The following EGFLAM variants were observed in gnomAD, a reference collection of about 807,000 sequenced individuals.
EGFLAM encodes pikachurin.
A neutral mutation model predicts 113.1 loss-of-function variants in EGFLAM; 79 were observed. That is an observed-to-expected ratio of 0.70 (90% CI 0.58 to 0.84). EGFLAM has a LOEUF of 0.84. Ranked by LOEUF, EGFLAM falls within the 40% of genes least tolerant of loss-of-function variation. The probability of loss-of-function intolerance (pLI) is 0.00; values close to 1 mark genes in which losing one functional copy is unlikely to be tolerated. For synonymous variants in EGFLAM, 504 were observed against 487.6 expected (o/e 1.03, Z -0.44); for missense variants, 1,265 against 1,291.6 (o/e 0.98, Z 0.32).
chr5:38,263,307 C>T (rs1192735182), intron 1 of EGFLAM, among the ~76,000 whole-genome samples: 1 of 152,012 alleles, frequency 6.6e-6, no homozygotes, highest in Non-Finnish European at 1.5e-5. Context: ...ACAAAAAATA[C>T]AAAAATTAGC....
chr5:38,267,657 G>A lies in EGFLAM; in HGVS notation c.97+8806G>A, dbSNP rs183594614. 1.5e-4 allele frequency among the ~76,000 whole-genome samples: 23 copies of A among 152,260 alleles called. No homozygotes were observed. In the East Asian group the frequency reaches 4.0e-3, roughly 27 times the overall value. On this transcript the variant is annotated intron_variant, in intron 1 of 21. Transcript: ENST00000322350. ...TTAACACTTGAAGTAATCCAGGCTA[G>A]AAGGCACCGCTCTGGCATAAGAATT...
At chr5:38,372,019 C>T (rs1383720947) in intron 6 of EGFLAM, among the ~76,000 whole-genome samples, 1 of 152,164 alleles carries the variant, frequency 6.6e-6, no homozygotes, top group Non-Finnish European at 1.5e-5. Context: ...TTAGCTTTCC[C>T]TTCTCCGTAG....
In EGFLAM at chr5:38,427,155, A is replaced by G. The variant is rs761288486; in HGVS notation, c.1957A>G (p.Ser653Gly). 2 of 1,614,026 alleles carry G rather than the reference A, an allele frequency of 1.2e-6. No homozygotes were observed. Among genetic ancestry groups the G allele is most frequent in the Admixed American group, 3.3e-5 (2 of 60,000 alleles). Reference sequence around the variant, plus strand: ...CTCAGGAGATGGTGTCCTCCTGTACAGCTATGACACAGGCAGCAAAGACTT... The same window carrying G: ...CTCAGGAGATGGTGTCCTCCTGTACGGCTATGACACAGGCAGCAAAGACTT... ...PDSGDGVLLY[S>G]YDTGSKDFLS... Residue 653 changes from serine (S) to glycine (G), a missense_variant, in exon 14 of 22, where the codon AGC becomes GGC. Physicochemically the swap from Ser to Gly is moderately conservative, Grantham distance 56. Transcript: ENST00000322350.
chr5:38,370,404 A>T lies in EGFLAM; in HGVS notation c.654A>T (p.Ala218=), dbSNP rs1177270349. 6.2e-7 allele frequency: 1 copy of T among 1,614,088 alleles called. No homozygotes were observed. Among genetic ancestry groups the T allele is most frequent in the Non-Finnish European group, 8.5e-7 (1 of 1,180,038 alleles). ...PDTNYQFAVR[A]MNSHGPSPRS... ...CCAACTACCAGTTTGCCGTGAGGGC[A>T]ATGAATTCCCATGGCCCCAGCCCCC... Residue 218 remains alanine (A), a synonymous_variant, in exon 6 of 22, where the codon GCA becomes GCT. Coordinates refer to ENST00000322350, the MANE Select transcript of EGFLAM (RefSeq NM_152403.4).
At chr5:38,367,646 C>T (rs906061279) in intron 5 of EGFLAM, among the ~76,000 whole-genome samples, 30 of 152,168 alleles carry the variant, frequency 2.0e-4, no homozygotes, top group African/African-American at 6.0e-4. Flanking sequence ...GCCAAGATAG[C>T]GTTGCTATGG....
At chr5:38,298,923 A>T (rs192678427) in intron 1 of EGFLAM, among the ~76,000 whole-genome samples, 8 of 151,948 alleles carry the variant, frequency 5.3e-5, no homozygotes, top group African/African-American at 4.8e-5. Flanking sequence ...CTGGTCTCGA[A>T]CTCCACCTGC....
In EGFLAM at chr5:38,418,108, G is replaced by T. The variant is rs761758755; in HGVS notation, c.1537G>T (p.Gly513Cys). The change falls in exon 12 of 22, where the codon GGT (glycine) becomes TGT (cysteine). Residue 513 changes from glycine to cysteine, a missense_variant. Gly to Cys is a radical substitution (Grantham distance 159). Transcript: ENST00000322350. ...KITFRTPLYL[G>C]GAPSAYWLVR... ...TACTTTCCGGACACCTCTCTATCTT[G>T]GTGGCGCTCCCAGCGCTTACTGGTT... 6.2e-7 allele frequency: 1 copy of T among 1,614,136 alleles called. No individual in the cohort carries two copies. The highest frequency in any genetic ancestry group is 1.1e-5 in the South Asian group (1 of 91,076).
intron 6 of EGFLAM, among the ~76,000 whole-genome samples, chr5:38,388,823 G>T (rs1310075126): frequency 6.6e-6 from 1 of 150,530 alleles, no homozygotes; most frequent in Admixed American, 6.6e-5. Flanking sequence ...AGCTACTCAG[G>T]AGGATCATTT....
chr5:38,283,642 G>A (rs1230933023), intron 1 of EGFLAM, among the ~76,000 whole-genome samples: 1 of 152,150 alleles, frequency 6.6e-6, no homozygotes, highest in Non-Finnish European at 1.5e-5. Flanking sequence ...CAGCTAGTTA[G>A]TGGTAGAATC....
intron 1 of EGFLAM, among the ~76,000 whole-genome samples, chr5:38,312,063 G>A (rs1738458125): frequency 6.6e-6 from 1 of 152,070 alleles, no homozygotes; most frequent in Admixed American, 6.6e-5. Context: ...TTATAATGCG[G>A]TATAATAATA....
At chr5:38,451,254 A>C in intron 18 of EGFLAM, 61 bp from the exon 19 acceptor site, 1 of 1,581,624 alleles carries the variant, frequency 6.3e-7, no homozygotes. Flanking sequence ...ACAAAACTGG[A>C]ATTACTCGGA....
At chr5:38,350,747 A>C (rs1302496982) in intron 4 of EGFLAM, 129 bp downstream of exon 4, 2 of 838,446 alleles carry the variant, frequency 2.4e-6, no homozygotes, top group Admixed American at 5.5e-5. Flanking sequence ...GTAGAGAACA[A>C]AAGTAAGCAC....
chr5:38,435,980 G>A (rs568143443), intron 16 of EGFLAM, among the ~76,000 whole-genome samples: 1 of 152,142 alleles, frequency 6.6e-6, no homozygotes, highest in African/African-American at 2.4e-5. Flanking sequence ...ACCACGTCCA[G>A]CTAATTTTTG....
chr5:38,263,300 A>G (rs1757549104), intron 1 of EGFLAM, among the ~76,000 whole-genome samples: 1 of 152,176 alleles, frequency 6.6e-6, no homozygotes, highest in Non-Finnish European at 1.5e-5. Context: ...CAGCTCTACA[A>G]AAAATACAAA....
At chr5:38,461,295 G>T (rs1743263573) in intron 20 of EGFLAM, 1 of 152,132 alleles carries the variant, frequency 6.6e-6, no homozygotes, top group Non-Finnish European at 1.5e-5. Context: ...TAACATCCTT[G>T]CCTTGATGGT....
At chr5:38,394,432 C>T (rs1040820448) in intron 6 of EGFLAM, among the ~76,000 whole-genome samples, 9 of 151,038 alleles carry the variant, frequency 6.0e-5, no homozygotes, top group Non-Finnish European at 1.2e-4. Flanking sequence ...TTTAATGAGA[C>T]GGAGTCCCGC....
chr5:38,381,810 GAGA>G (rs1270698484), intron 6 of EGFLAM, among the ~76,000 whole-genome samples: 11 of 152,198 alleles, frequency 7.2e-5, no homozygotes. Flanking sequence ...GGGCAGGGTG[GAGA>G]AGGACAGAGG....
rs1742049973 is a variant in EGFLAM at position 38,427,339 on chromosome 5, C to T, written c.2054+87C>T. The T allele has an allele frequency of 1.9e-6, 3 of 1,553,702 alleles. 1 individual carries two copies. The African/African-American group carries it at 4.1e-5, about 21-fold the overall frequency. On this transcript the variant is annotated intron_variant, in intron 14 of 21. Transcript: ENST00000322350. ...AAAAAACCAAATCGCCATTCAACAGCTCACACTCATCCTGTCTTCTCTACA... is the reference window on the plus strand; with the variant it reads ...AAAAAACCAAATCGCCATTCAACAGTTCACACTCATCCTGTCTTCTCTACA...
intron 14 of EGFLAM, among the ~76,000 whole-genome samples, chr5:38,428,510 T>C (rs537997687): frequency 6.6e-6 from 1 of 152,272 alleles, no homozygotes; most frequent in African/African-American, 2.4e-5. Flanking sequence ...CATATGATTA[T>C]GCAAAATAGC....
Sources: gnomAD v4.1 joint callset for allele counts (sites outside exome capture counted in the v4.1 genomes callset) on GRCh38, gnomAD v4.1.1 for gene constraint, MANE v1.5 for transcripts, NCBI Gene and HGNC (gene_info 2026-07-23, HGNC 2026-07-21) for gene names.